Variants in GLMN observed in about 807,000 individuals in gnomAD.
GLMN encodes glomulin, FKBP associated protein.
Under a neutral mutation model 87.8 loss-of-function variants are expected in GLMN, and 75 were observed. The observed-to-expected ratio is 0.85, with a 90% CI of 0.71 to 1.04. The LOEUF (loss-of-function observed/expected upper bound fraction) is 1.04. Ranked by LOEUF, GLMN falls within the 50% of genes least tolerant of loss-of-function variation. GLMN has a pLI of 0.00. For synonymous variants in GLMN, 206 were observed against 221.6 expected (o/e 0.93, Z 0.63); for missense variants, 588 against 658.8 (o/e 0.89, Z 1.18).
At chr1:92,267,560 T>C (rs1655777436) in intron 11 of GLMN, among the ~76,000 whole-genome samples, 1 of 151,666 alleles carries the variant, frequency 6.6e-6, no homozygotes, top group Non-Finnish European at 1.5e-5. Context: ...AAATATTAGC[T>C]GGGTGTGGTG....
At chr1:92,288,842 T>C in intron 6 of GLMN, 72 bp downstream of exon 6, 1 of 832,862 alleles carries the variant, frequency 1.2e-6, no homozygotes, top group South Asian at 1.4e-5. Flanking sequence ...TCAAACAAAG[T>C]GAAGAAACAT....
At position 92,288,934 on chromosome 1, in the gene GLMN, T is replaced by C. The variant is rs749674865; in HGVS notation, c.612A>G (p.Leu204=). The change falls in exon 6 of 19, where the codon TTA becomes TTG. Residue 204 remains leucine (L), a synonymous_variant. Transcript: ENST00000370360. ...NKENSLENEK[L]KDELLKFCFK... ...CTTACAATTTCAGTAATTCATCCTT[T>C]AACTTTTCATTTTCCAGTGAGTTTT... The C allele has an allele frequency of 1.7e-5, 26 of 1,575,538 alleles. No individual in the cohort carries two copies. In the East Asian group the frequency reaches 5.8e-4, roughly 35 times the overall value.
At chr1:92,252,311 C>T (rs1396228340) in intron 16 of GLMN, among the ~76,000 whole-genome samples, 2 of 152,100 alleles carry the variant, frequency 1.3e-5, no homozygotes, top group African/African-American at 2.4e-5. Flanking sequence ...GGAGGATCAC[C>T]TGAGTACAGG....
chr1:92,260,240 G>C (rs1557519512), intron 16 of GLMN, among the ~76,000 whole-genome samples: 2 of 151,940 alleles, frequency 1.3e-5, no homozygotes, highest in Non-Finnish European at 2.9e-5. Flanking sequence ...TAATTTCCCT[G>C]GTATAATTCT....
intron 4 of GLMN, among the ~76,000 whole-genome samples, chr1:92,291,052 T>C (rs1397758954): frequency 2.6e-5 from 4 of 152,218 alleles, no homozygotes; most frequent in Non-Finnish European, 5.9e-5. Context: ...GATTTTAATC[T>C]AGTTCCAATG....
At chr1:92,352,709 A>C in the GLMN span, among the ~76,000 whole-genome samples, 1 of 152,194 alleles carries the variant, frequency 6.6e-6, no homozygotes, top group Non-Finnish European at 1.5e-5. Flanking sequence ...TATACAGTTC[A>C]TCATTTGTAT....
At chr1:92,320,486 T>C in the GLMN span, 1 of 715,224 alleles carries the variant, frequency 1.4e-6, no homozygotes, top group South Asian at 1.7e-5. Flanking sequence ...TTGGCCAGGA[T>C]GGTCTCAATC....
chr1:92,290,938 C>A (rs957876541), intron 4 of GLMN, among the ~76,000 whole-genome samples: 2 of 152,196 alleles, frequency 1.3e-5, no homozygotes, highest in Non-Finnish European at 2.9e-5. Context: ...TTGTTAGTCA[C>A]AACTGATCTG....
At chr1:92,355,804 G>A in the GLMN span, among the ~76,000 whole-genome samples, 2 of 152,120 alleles carry the variant, frequency 1.3e-5, no homozygotes, top group African/African-American at 4.8e-5. Context: ...TTTTGGATTA[G>A]GGATGTTCAA....
chr1:92,289,152 C>T lies in GLMN; in HGVS notation c.395-1G>A. 6.5e-7 allele frequency: 1 copy of T among 1,527,826 alleles called. No homozygotes were observed. The highest frequency in any genetic ancestry group is 9.1e-7 in the Non-Finnish European group (1 of 1,101,450). 94.6% of individuals were successfully genotyped at this position (1,527,826 alleles called of 1,614,324 possible). A position where few individuals can be genotyped will look rare whatever the true frequency, so the allele number is the denominator to read the frequency against. On this transcript the variant is annotated splice_acceptor_variant, in intron 5 of 18. Transcript: ENST00000370360. LOFTEE classifies it high-confidence loss of function. ...GCCTTGTTATGAAGTTTCTGAATCA[C>T]TAAAACAGAGATCAAGTTGTCGCTC...
chr1:92,309,789 T>G, the GLMN span, among the ~76,000 whole-genome samples: 1 of 152,178 alleles, frequency 6.6e-6, no homozygotes, highest in Non-Finnish European at 1.5e-5. Context: ...AATAAACTTG[T>G]GGGAATGGGT....
the GLMN span, among the ~76,000 whole-genome samples, chr1:92,326,658 G>C: frequency 1.3e-5 from 2 of 152,176 alleles, no homozygotes; most frequent in Admixed American, 1.3e-4. Context: ...ATGGGAGTGT[G>C]GTTCCCAGGT....
Position 92,291,579 on chromosome 1 carries a change from T to C in GLMN, c.166-42A>G, listed in dbSNP as rs776649921. On this transcript the variant is annotated intron_variant, in intron 3 of 18. Coordinates refer to ENST00000370360, the MANE Select transcript of GLMN (RefSeq NM_053274.3). ...AGAGTAAAGCAAACACTGCCATCTA[T>C]AGGACTCTCGCAGTGTGCTTTCCTA... 17 of 1,602,888 alleles carry C rather than the reference T, an allele frequency of 1.1e-5. No individual in the cohort carries two copies. In the Admixed American group the frequency reaches 1.2e-4, roughly 11 times the overall value.
chr1:92,314,076 A>G, the GLMN span, among the ~76,000 whole-genome samples: 1 of 152,224 alleles, frequency 6.6e-6, no homozygotes. Flanking sequence ...TATACCAGCA[A>G]TAAGGCTGTT....
Position 92,290,222 on chromosome 1 carries a change from G to T in GLMN, c.370C>A (p.Leu124Ile), listed in dbSNP as rs1649247190. ...SGKQISQSIL[L>I]LLQPLQTVIQ... Reference sequence around the variant, plus strand: ...CCTGTTTGTAATGGCTGAAGCAAAAGAAGAATACTTTGGGATATCTGTTTT... The same window carrying T: ...CCTGTTTGTAATGGCTGAAGCAAAATAAGAATACTTTGGGATATCTGTTTT... The change falls in exon 5 of 19, where the codon CTT (leucine) becomes ATT (isoleucine). Residue 124 changes from leucine (L) to isoleucine (I), a missense_variant. Physicochemically the swap from Leu to Ile is conservative, Grantham distance 5. Coordinates refer to ENST00000370360, the MANE Select transcript of GLMN (RefSeq NM_053274.3). 2 of 1,601,614 alleles carry T rather than the reference G, an allele frequency of 1.2e-6. No homozygotes were observed. Among genetic ancestry groups the T allele is most frequent in the African/African-American group, 1.3e-5 (1 of 74,654 alleles).
chr1:92,286,149 C>G (rs1648720344), intron 7 of GLMN, among the ~76,000 whole-genome samples: 1 of 151,316 alleles, frequency 6.6e-6, no homozygotes. Context: ...TATACTAAGT[C>G]CATACCATGG....
chr1:92,306,546 G>A, the GLMN span, among the ~76,000 whole-genome samples: 7 of 152,146 alleles, frequency 4.6e-5, no homozygotes, highest in African/African-American at 1.7e-4. Flanking sequence ...CTACTTGAAT[G>A]AATCTTAAAA....
chr1:92,358,063 ACAT>A, the GLMN span, among the ~76,000 whole-genome samples: 4 of 152,188 alleles, frequency 2.6e-5, no homozygotes, highest in Admixed American at 2.0e-4. Flanking sequence ...GAGTAGAATA[ACAT>A]CATAAAATCT....
the GLMN span, among the ~76,000 whole-genome samples, chr1:92,328,790 C>A: frequency 6.6e-6 from 1 of 152,150 alleles, no homozygotes; most frequent in Non-Finnish European, 1.5e-5. Flanking sequence ...GAAGGAAGAT[C>A]TGGGACTCAA....
Sources: gnomAD v4.1 joint callset for allele counts (sites outside exome capture counted in the v4.1 genomes callset) on GRCh38, gnomAD v4.1.1 for gene constraint, MANE v1.5 for transcripts, NCBI Gene and HGNC (gene_info 2026-07-23, HGNC 2026-07-21) for gene names.